Variants in ATG7 observed in about 807,000 individuals in gnomAD.
ATG7 encodes ubiquitin-like modifier-activating enzyme ATG7.
A neutral mutation model predicts 82.4 loss-of-function variants in ATG7; 70 were observed. The observed-to-expected ratio is 0.85, with a 90% CI of 0.70 to 1.04. The LOEUF is 1.04. ATG7 is among the 50% of genes least tolerant of loss of function. The pLI is 0.00. For missense variants in ATG7, 792 were observed against 864.3 expected (o/e 0.92, Z 1.05); for synonymous variants, 287 against 313.0 (o/e 0.92, Z 0.88).
At chr3:11,438,402 T>C (rs1362768025) in intron 20 of ATG7, among the ~76,000 whole-genome samples, 2 of 152,142 alleles carry the variant, frequency 1.3e-5, no homozygotes, top group African/African-American at 4.8e-5. Context: ...ATTGACCAAC[T>C]GAACTATCAA....
At chr3:11,360,987 A>G (rs1426296865) in intron 16 of ATG7, among the ~76,000 whole-genome samples, 1 of 152,202 alleles carries the variant, frequency 6.6e-6, no homozygotes, top group Admixed American at 6.5e-5. Flanking sequence ...TTGTTCACCA[A>G]TATAAACGCG....
At chr3:11,521,106 C>G (rs2124915445) in intron 20 of ATG7, among the ~76,000 whole-genome samples, 1 of 152,264 alleles carries the variant, frequency 6.6e-6, no homozygotes, top group Non-Finnish European at 1.5e-5. Flanking sequence ...TGTCTCGCAG[C>G]AATGCTGAGA....
rs373896065 is a variant in ATG7, at chr3:11,482,793, CT to C, written c.2079+55878del. ...AACCCTTTTATTATCATTTTTGTAC[CT>C]TTTTTTTTTTGAGGTTTATATCATT... On this transcript the variant is annotated intron_variant, in intron 20 of 20. Transcript: ENST00000693202. Among the ~76,000 whole-genome samples the C allele has an allele frequency of 6.3e-3, 918 of 144,596 alleles. 12 individuals are homozygous for C. Among genetic ancestry groups the C allele is most frequent in the African/African-American group, 0.017 (661 of 39,694 alleles). The allele number at this position is 144,596 out of a possible 152,430, so 94.9% of individuals were successfully genotyped here.
intron 20 of ATG7, among the ~76,000 whole-genome samples, chr3:11,462,530 G>C (rs2086412323): frequency 6.6e-6 from 1 of 152,166 alleles, no homozygotes; most frequent in East Asian, 1.9e-4. Flanking sequence ...TGGCTAGTTT[G>C]AATAATCTCA....
chr3:11,568,860 G>C, the ATG7 span: 1 of 1,378,030 alleles, frequency 7.3e-7, no homozygotes, highest in Non-Finnish European at 9.4e-7. The surrounding 1 kb of genome is among the most constrained non-coding windows in gnomAD (Gnocchi z 5.9). Flanking sequence ...AGGCCTATCA[G>C]AGCCGCTGAG....
intron 14 of ATG7, chr3:11,348,322 G>C (rs987486838): frequency 8.9e-6 from 3 of 336,486 alleles, no homozygotes; most frequent in Non-Finnish European, 1.6e-5. Context: ...CCTTCGCAGT[G>C]AGTGTTACAG....
downstream of ATG7, among the ~76,000 whole-genome samples, chr3:11,561,819 G>A (rs900965420): frequency 1.3e-5 from 2 of 151,860 alleles, no homozygotes; most frequent in Non-Finnish European, 2.9e-5. Flanking sequence ...CTCAGACAGA[G>A]GCTGCCCCGG....
intron 9 of ATG7, 139 bp from the exon 10 acceptor site, chr3:11,331,201 C>G: frequency 1.4e-6 from 1 of 702,676 alleles, no homozygotes; most frequent in Middle Eastern, 3.8e-4. Context: ...TTCTTCTCCT[C>G]CCCTTAGCCC....
In ATG7 at chr3:11,513,767, A is replaced by AGCGAGGGCTGCGAGGGCT. The variant is rs141650703; in HGVS notation, c.2080-41041_2080-41024dup. On this transcript the variant is annotated intron_variant, in intron 20 of 20. Transcript: ENST00000693202. ...CCAGGCAGAGGAGGCGCTGAGAGTG[A>AGCGAGGGCTGCGAGGGCT]GCGAGGGCTGCGAGGGCTGCCAGCA... Among the ~76,000 whole-genome samples, 174 of 152,186 alleles carry AGCGAGGGCTGCGAGGGCT rather than the reference A, an allele frequency of 1.1e-3. 1 individual carries two copies. The highest frequency in any genetic ancestry group is 2.1e-3 in the Non-Finnish European group (145 of 68,010).
chr3:11,516,123 T>C (rs2092273954), intron 20 of ATG7, among the ~76,000 whole-genome samples: 1 of 151,838 alleles, frequency 6.6e-6, no homozygotes, highest in Non-Finnish European at 1.5e-5. Context: ...TGTTAGTTTC[T>C]GGGGACTCTG....
intron 7 of ATG7, among the ~76,000 whole-genome samples, chr3:11,311,437 C>A (rs1948648451): frequency 6.6e-6 from 1 of 151,662 alleles, no homozygotes; most frequent in Non-Finnish European, 1.5e-5. Flanking sequence ...AACCCCGTAT[C>A]TACTAAAATT....
intron 15 of ATG7, 50 bp downstream of exon 15, chr3:11,358,662 A>G (rs1169209578): frequency 6.4e-7 from 1 of 1,566,982 alleles, no homozygotes; most frequent in Non-Finnish European, 8.7e-7. Flanking sequence ...CCACCACTCC[A>G]GAGGGAGGAG....
At chr3:11,484,850 A>G (rs986079840) in intron 20 of ATG7, among the ~76,000 whole-genome samples, 1 of 152,146 alleles carries the variant, frequency 6.6e-6, no homozygotes, top group Non-Finnish European at 1.5e-5. Flanking sequence ...AATTTCATCC[A>G]TGTCCCTACA....
chr3:11,290,479 G>T, intron 3 of ATG7: 1 of 294,556 alleles, frequency 3.4e-6, no homozygotes, highest in South Asian at 2.7e-5. Context: ...ACCTGTTTCT[G>T]CAGCCTCATG....
chr3:11,513,437 G>C (rs1007334331), intron 20 of ATG7, among the ~76,000 whole-genome samples: 21 of 152,256 alleles, frequency 1.4e-4, no homozygotes, highest in Admixed American at 1.3e-3. Flanking sequence ...GCACCAGTGG[G>C]CCAGCACTGC....
At chr3:11,455,857 A>G (rs895572921) in intron 20 of ATG7, among the ~76,000 whole-genome samples, 8 of 152,148 alleles carry the variant, frequency 5.3e-5, no homozygotes, top group African/African-American at 1.9e-4. Context: ...TTACTTCTCA[A>G]AACTTACCTC....
At chr3:11,490,469 A>G (rs1559736703) in intron 20 of ATG7, among the ~76,000 whole-genome samples, 2 of 152,146 alleles carry the variant, frequency 1.3e-5, no homozygotes, top group Non-Finnish European at 2.9e-5. Flanking sequence ...TAGTCCATTT[A>G]TATTTAAAGT....
chr3:11,397,491 T>C (rs2079410218), intron 19 of ATG7, among the ~76,000 whole-genome samples: 1 of 152,036 alleles, frequency 6.6e-6, no homozygotes, highest in South Asian at 2.1e-4. Context: ...GGAGTCTTGC[T>C]CTGTCACCCA....
chr3:11,502,100 T>C (rs1048307725), intron 20 of ATG7, among the ~76,000 whole-genome samples: 2 of 152,142 alleles, frequency 1.3e-5, no homozygotes, highest in Non-Finnish European at 2.9e-5. Context: ...ATGTCATTTA[T>C]GTGATATATG....
Sources: allele counts gnomAD v4.1 joint callset (sites outside exome capture counted in the v4.1 genomes callset), GRCh38; gene constraint gnomAD v4.1.1; non-coding constraint Gnocchi (gnomAD v3.1); transcripts MANE v1.5; gene names NCBI Gene and HGNC (gene_info 2026-07-23, HGNC 2026-07-21).